The following AKT3 variants were observed in gnomAD, a reference collection of about 807,000 sequenced individuals.
AKT3 encodes the protein AKT serine/threonine kinase 3, also known as RAC-gamma serine/threonine-protein kinase.
AKT3 carries 15 observed loss-of-function variants against 65.3 expected under a neutral mutation model. That is an observed-to-expected ratio of 0.23 (90% CI 0.15 to 0.35). The LOEUF is 0.35. Among genes scored for constraint, AKT3 ranks in the 10% least tolerant of loss-of-function variants. The pLI, the probability that AKT3 is intolerant of heterozygous loss-of-function variation, is 1.00. For synonymous variants in AKT3, 206 were observed against 183.8 expected, an observed-to-expected ratio of 1.12 and a Z score of -0.98; for missense variants, 243 against 576.5, an observed-to-expected ratio of 0.42 and a Z score of 5.92.
At chr1:243,573,800 G>A (rs910431201) in intron 8 of AKT3, among the ~76,000 whole-genome samples, 2 of 151,906 alleles carry the variant, frequency 1.3e-5, no homozygotes, top group Middle Eastern at 3.2e-3. Flanking sequence ...TATACCATTC[G>A]ATAGTCAACA....
chr1:243,581,757 C>G (rs1675375253), intron 8 of AKT3, among the ~76,000 whole-genome samples: 1 of 151,636 alleles, frequency 6.6e-6, no homozygotes, highest in Non-Finnish European at 1.5e-5. Context: ...AATGGAAACT[C>G]AGAAATGACA....
At chr1:243,642,464 C>G (rs572868344) in intron 5 of AKT3, among the ~76,000 whole-genome samples, 1 of 152,172 alleles carries the variant, frequency 6.6e-6, no homozygotes, top group Non-Finnish European at 1.5e-5. Flanking sequence ...CGCCCGCCAC[C>G]ACGCCTGGTT....
At position 243,512,432 on chromosome 1, in the gene AKT3, A is replaced by T. The variant is rs765955777; in HGVS notation, c.1252-6T>A. On this transcript the variant is annotated splice_region_variant and splice_polypyrimidine_tract_variant and intron_variant, in intron 12 of 13. Transcript: ENST00000673466. ...GGTTTAAAAGGAGGTACAAGCTGTA[A>T]AAAGAAAGAAAAAGAGTTTTATTAA... The T allele has an allele frequency of 1.7e-5, 25 of 1,473,352 alleles. No individual in the cohort carries two copies. Among genetic ancestry groups the T allele is most frequent in the Non-Finnish European group, 2.3e-5 (25 of 1,077,560 alleles). 91.3% of individuals were successfully genotyped at this position (1,473,352 alleles called of 1,614,324 possible).
chr1:243,603,917 TG>T (rs1276373736), intron 8 of AKT3, among the ~76,000 whole-genome samples: 1 of 143,712 alleles, frequency 7.0e-6, no homozygotes, highest in Non-Finnish European at 1.5e-5. Flanking sequence ...TTTTTTGAGA[TG>T]GAGTTTTGCT....
intron 10 of AKT3, among the ~76,000 whole-genome samples, chr1:243,554,584 C>T (rs1673287748): frequency 6.6e-6 from 1 of 151,940 alleles, no homozygotes; most frequent in African/African-American, 2.4e-5. Context: ...TTTAAAATAC[C>T]ACTGACTTTT....
chr1:243,552,814 T>C lies in AKT3; in HGVS notation c.1078A>G (p.Met360Val). 6.2e-7 allele frequency: 1 copy of C among 1,614,010 alleles called. No homozygotes were observed. Among genetic ancestry groups the C allele is most frequent in the South Asian group, 1.1e-5 (1 of 91,074 alleles). Residue 360 changes from methionine (M) to valine (V), a missense_variant, in exon 11 of 14, where the codon ATG (methionine) becomes GTG (valine). Coordinates refer to ENST00000673466, the MANE Select transcript of AKT3 (RefSeq NM_005465.7). ...DHEKLFELILMEDIKFPRTLS... is the reference protein window; with the variant it reads ...DHEKLFELILVEDIKFPRTLS... ...GTTCGAGGAAATTTAATGTCTTCCA[T>C]TAATATTAATTCAAAAAGTTTCTCA... is the stretch of plus-strand genomic sequence containing the variant.
At chr1:243,589,306 C>CAAAAAAAAAAAAAAAAAAAAAAAAAAAAA (rs758254217) in intron 8 of AKT3, among the ~76,000 whole-genome samples, 9 of 40,838 alleles carry the variant, frequency 2.2e-4, no homozygotes, top group Non-Finnish European at 3.0e-4. Flanking sequence ...AACTCCATCT[C>CAAAAAAAAAAAAAAAAAAAAAAAAAAAAA]AAAAAAAAAA....
chr1:243,635,940 G>C (rs1267344786), intron 6 of AKT3, among the ~76,000 whole-genome samples: 3 of 151,992 alleles, frequency 2.0e-5, no homozygotes, highest in African/African-American at 7.2e-5. Flanking sequence ...GATTTGTTGG[G>C]AGAAAGCAGC....
rs1669439681 is a variant in AKT3 at position 243,503,250 on chromosome 1, TAA to T, written c.*1997_*1998del. ...TCTGAATATGTCTTAGCTGCCTTAG[TAA>T]AATGCCCTTTAACCCCCGTCAGTCC... On this transcript the variant is annotated 3_prime_UTR_variant, in exon 14 of 14. Transcript: ENST00000673466. The T allele has an allele frequency of 1.3e-5, 3 of 233,608 alleles. No individual in the cohort carries two copies. The highest frequency in any genetic ancestry group is 6.6e-5 in the African/African-American group (3 of 45,342). 14.5% of individuals were successfully genotyped at this position (233,608 alleles called of 1,614,324 possible). A position where few individuals can be genotyped will look rare whatever the true frequency, so the allele number is the denominator to read the frequency against.
At chr1:243,773,209 T>A (rs73128283) in intron 2 of AKT3, among the ~76,000 whole-genome samples, 19,548 of 139,566 alleles carry the variant, frequency 0.14, 2,000 homozygotes, top group African/African-American at 0.34. Flanking sequence ...ATATAAAAAA[T>A]ATATATATAT....
downstream of AKT3, among the ~76,000 whole-genome samples, chr1:243,499,191 A>AAACT (rs1190908099): frequency 6.6e-6 from 1 of 152,208 alleles, no homozygotes; most frequent in Non-Finnish European, 1.5e-5. Context: ...TATCTGCGTA[A>AAACT]AACTAAGAGA....
chr1:243,821,455 G>A (rs1293362639), intron 2 of AKT3, among the ~76,000 whole-genome samples: 1 of 152,058 alleles, frequency 6.6e-6, no homozygotes, highest in Non-Finnish European at 1.5e-5. Flanking sequence ...AATGTAAATG[G>A]GCCAAATGTC....
intron 2 of AKT3, among the ~76,000 whole-genome samples, chr1:243,712,097 G>C (rs775113348): frequency 6.6e-6 from 1 of 152,110 alleles, no homozygotes; most frequent in Non-Finnish European, 1.5e-5. Flanking sequence ...CATACTGCTC[G>C]CCTCCAAACT....
At chr1:243,781,106 A>G (rs1315469617) in intron 2 of AKT3, among the ~76,000 whole-genome samples, 1 of 152,132 alleles carries the variant, frequency 6.6e-6, no homozygotes, top group Non-Finnish European at 1.5e-5. Flanking sequence ...ACAGCCTTCT[A>G]AAATTTTTTT....
chr1:243,564,922 C>T (rs995009055), intron 9 of AKT3, among the ~76,000 whole-genome samples: 7 of 151,968 alleles, frequency 4.6e-5, no homozygotes. Context: ...AAGTTAATAT[C>T]AAATTTAAAA....
chr1:243,615,508 CA>C, intron 6 of AKT3, among the ~76,000 whole-genome samples: 1 of 152,236 alleles, frequency 6.6e-6, no homozygotes, highest in Middle Eastern at 3.4e-3. Context: ...AATATTTCTG[CA>C]TGAGGTAATT....
At chr1:243,540,558 C>T (rs953466847) in intron 12 of AKT3, among the ~76,000 whole-genome samples, 2 of 151,908 alleles carry the variant, frequency 1.3e-5, no homozygotes, top group African/African-American at 4.8e-5. Context: ...TACCATATGC[C>T]CTTTACCCAC....
chr1:243,689,359 C>T (rs1010038898), intron 3 of AKT3, among the ~76,000 whole-genome samples: 1 of 151,744 alleles, frequency 6.6e-6, no homozygotes, highest in East Asian at 1.9e-4. Flanking sequence ...ATCTGTTACA[C>T]AAGACTAAGA....
At chr1:243,588,173 CTAA>C (rs1353783441) in intron 8 of AKT3, among the ~76,000 whole-genome samples, 1 of 152,110 alleles carries the variant, frequency 6.6e-6, no homozygotes, top group African/African-American at 2.4e-5. Flanking sequence ...GGACAGAACA[CTAA>C]TGAGGAGGAA....
Sources: gnomAD v4.1 joint callset for allele counts (sites outside exome capture counted in the v4.1 genomes callset) on GRCh38, gnomAD v4.1.1 for gene constraint, MANE v1.5 for transcripts, NCBI Gene and HGNC (gene_info 2026-07-23, HGNC 2026-07-21) for gene names.